The following VCAN variants were observed in gnomAD, a reference collection of about 807,000 sequenced individuals.
The protein encoded by VCAN is versican.
Under a neutral mutation model 245.5 loss-of-function variants are expected in VCAN, and 44 were observed. The observed-to-expected ratio is 0.18, with a 90% CI of 0.14 to 0.23. The LOEUF is 0.23. Among genes scored for constraint, VCAN ranks in the 10% least tolerant of loss-of-function variants. The pLI, the probability that VCAN is intolerant of heterozygous loss-of-function variation, is 1.00. For synonymous variants in VCAN, 1,413 were observed against 1,437.0 expected (o/e 0.98, Z 0.38); for missense variants, 3,793 against 4,057.9 (o/e 0.93, Z 1.77).
At chr5:83,484,539 CCATCCATCCATCCATT>C (rs1445470031) in intron 2 of VCAN, among the ~76,000 whole-genome samples, 1 of 151,888 alleles carries the variant, frequency 6.6e-6, no homozygotes, top group East Asian at 1.9e-4. Flanking sequence ...ATCCATCCAT[CCATCCATCCATCCATT>C]CATCCATCCA....
rs374067970 is a variant in VCAN, at chr5:83,540,457, T to C, written c.7454T>C (p.Val2485Ala). The change falls in exon 8 of 15, where the codon GTT (valine) becomes GCT (alanine). Residue 2485 changes from valine to alanine, a missense_variant. Physicochemically the swap from Val to Ala is moderately conservative, Grantham distance 64. Coordinates refer to ENST00000265077, the MANE Select transcript of VCAN (RefSeq NM_004385.5). ...KAVTADGFPT[V>A]SVMLPLHSEQ... Reference sequence around the variant, plus strand: ...GTTACTGCTGATGGATTCCCAACAGTTTCAGTGATGCTGCCTCTTCATTCA... The same window carrying C: ...GTTACTGCTGATGGATTCCCAACAGCTTCAGTGATGCTGCCTCTTCATTCA... The C allele has an allele frequency of 2.5e-6, 4 of 1,613,838 alleles. No homozygotes were observed. The highest frequency in any genetic ancestry group is 3.4e-6 in the Non-Finnish European group (4 of 1,179,948).
chr5:83,574,785 G>C (rs79847134), intron 13 of VCAN, among the ~76,000 whole-genome samples: 1 of 152,094 alleles, frequency 6.6e-6, no homozygotes, highest in African/African-American at 2.4e-5. Context: ...ATCTGTAGTT[G>C]AATATTTACA....
chr5:83,572,390 G>C (rs567949463), intron 12 of VCAN, 26 bp from the exon 13 acceptor site: 1 of 1,613,644 alleles, frequency 6.2e-7, no homozygotes, highest in Non-Finnish European at 8.5e-7. Context: ...CTAGCAAGTA[G>C]TTACCTTCTC....
chr5:83,563,591 G>A (rs534741813), intron 12 of VCAN, among the ~76,000 whole-genome samples: 16 of 152,232 alleles, frequency 1.1e-4, no homozygotes, highest in African/African-American at 3.1e-4. Flanking sequence ...TTTCAAACAG[G>A]TACCTGTCCT....
chr5:83,492,783 G>A (rs891405439), intron 3 of VCAN, among the ~76,000 whole-genome samples: 8 of 152,184 alleles, frequency 5.3e-5, no homozygotes, highest in African/African-American at 9.7e-5. Context: ...GAGACCCTAC[G>A]TTATGCTGGT....
Position 83,548,057 on chromosome 5 carries a change from A to G in VCAN, c.9466A>G (p.Ser3156Gly). The G allele has an allele frequency of 6.2e-7, 1 of 1,614,020 alleles. No individual in the cohort carries two copies. The highest frequency in any genetic ancestry group is 1.1e-5 in the South Asian group (1 of 91,082). The change falls in exon 10 of 15, where the codon AGT (serine) becomes GGT (glycine). Residue 3156 changes from serine to glycine, a missense_variant. Physicochemically the swap from Ser to Gly is moderately conservative, Grantham distance 56. Transcript: ENST00000265077. ...CACATTCAGGTGCCTCTGCCTTCCA[A>G]GTTATGTTGGTGCACTTTGTGAGCA... ...FNTFRCLCLP[S>G]YVGALCEQDT...
chr5:83,536,854 CTG>C (rs1314275955), intron 7 of VCAN, 151 bp from the exon 8 acceptor site: 4 of 595,514 alleles, frequency 6.7e-6, no homozygotes, highest in African/African-American at 1.9e-5. Context: ...AATTTGAAGA[CTG>C]AGAACCATAT....
At chr5:83,507,843 A>G (rs949200784) in intron 5 of VCAN, among the ~76,000 whole-genome samples, 13 of 152,246 alleles carry the variant, frequency 8.5e-5, no homozygotes, top group Non-Finnish European at 1.3e-4. Context: ...AAAATGGATC[A>G]ATAGAAACTT....
intron 7 of VCAN, among the ~76,000 whole-genome samples, chr5:83,524,512 C>A (rs1376114506): frequency 6.7e-6 from 1 of 149,704 alleles, no homozygotes; most frequent in Non-Finnish European, 1.5e-5. Context: ...ACCTACCTAC[C>A]TACCTTCCTA....
At position 83,541,586 on chromosome 5, in the gene VCAN, A is replaced by G; in HGVS notation, c.8583A>G (p.Pro2861=). 5.6e-6 allele frequency: 9 copies of G among 1,613,886 alleles called. No homozygotes were observed. Among genetic ancestry groups the G allele is most frequent in the Non-Finnish European group, 7.6e-6 (9 of 1,180,000 alleles). The change falls in exon 8 of 15, where the codon CCA becomes CCG. Residue 2861 remains proline, a synonymous_variant. Coordinates refer to ENST00000265077, the MANE Select transcript of VCAN (RefSeq NM_004385.5). ...GIDVGSSVMS[P]QDSFKEIHVN... ...ACGTCGGCTCATCTGTAATGTCCCC[A>G]CAGGATTCTTTTAAGGAAATTCATG...
chr5:83,546,177 G>A (rs1396105900), intron 9 of VCAN, among the ~76,000 whole-genome samples: 3 of 151,524 alleles, frequency 2.0e-5, no homozygotes, highest in African/African-American at 7.3e-5. Context: ...CCTCTCTTTT[G>A]GTTCCAAGGA....
chr5:83,515,370 G>A (rs1245055138), intron 6 of VCAN, among the ~76,000 whole-genome samples: 1 of 152,180 alleles, frequency 6.6e-6, no homozygotes, highest in East Asian at 1.9e-4. Context: ...CTCCAGGAGA[G>A]GGAGATGGAA....
rs1746879685 is a variant in VCAN, at chr5:83,539,556, C to T, written c.6553C>T (p.Pro2185Ser). 3 of 1,613,944 alleles carry T rather than the reference C, an allele frequency of 1.9e-6. No homozygotes were observed. Among genetic ancestry groups the T allele is most frequent in the African/African-American group, 2.7e-5 (2 of 74,922 alleles). Residue 2185 changes from proline to serine, a missense_variant, in exon 8 of 15, where the codon CCA becomes TCA. By Grantham distance (74) the Pro-to-Ser change is moderately conservative. Transcript: ENST00000265077. Reference sequence around the variant, plus strand: ...TTTAGTTAACATGTCTACTCCAGATCCAGATGCAAATGGCTTGGAATCTTA... The same window carrying T: ...TTTAGTTAACATGTCTACTCCAGATTCAGATGCAAATGGCTTGGAATCTTA... ...TSLVNMSTPD[P>S]DANGLESYTT...
Position 83,509,934 on chromosome 5 carries a change from T to C in VCAN, c.749-2169T>C, listed in dbSNP as rs183290811. ...TTATTTAATGTGCTGTTGGGAAGGA[T>C]AGGGGGAAAAAAGAGACCTAGCTTC... On this transcript the variant is annotated intron_variant, in intron 5 of 14. Transcript: ENST00000265077. Among the ~76,000 whole-genome samples, 4 of 152,282 alleles carry C rather than the reference T, an allele frequency of 2.6e-5. No homozygotes were observed. In the East Asian group the frequency reaches 5.8e-4, roughly 22 times the overall value.
At chr5:83,519,021 T>G (rs530187525) in intron 6 of VCAN, among the ~76,000 whole-genome samples, 10 of 152,340 alleles carry the variant, frequency 6.6e-5, no homozygotes, top group Non-Finnish European at 1.5e-4. Context: ...ATCTAAAATC[T>G]GCATTTATAT....
chr5:83,480,321 G>A (rs1744567747), intron 1 of VCAN, among the ~76,000 whole-genome samples: 2 of 152,132 alleles, frequency 1.3e-5, no homozygotes, highest in African/African-American at 2.4e-5. Context: ...GTGGCACAAA[G>A]AGTTCGATTT....
At chr5:83,550,174 T>C (rs48017) in intron 10 of VCAN, among the ~76,000 whole-genome samples, 70,354 of 151,970 alleles carry the variant, frequency 0.46, 16,514 homozygotes, top group Admixed American at 0.5. Flanking sequence ...TCTTAGGACT[T>C]GACAGCTATA....
At chr5:83,507,170 T>C (rs1192995602) in intron 5 of VCAN, among the ~76,000 whole-genome samples, 1 of 152,244 alleles carries the variant, frequency 6.6e-6, no homozygotes, top group Non-Finnish European at 1.5e-5. Context: ...ATTACAACTT[T>C]GATAATTGTC....
At chr5:83,492,243 A>C (rs777146083) in intron 3 of VCAN, among the ~76,000 whole-genome samples, 1 of 152,190 alleles carries the variant, frequency 6.6e-6, no homozygotes, top group African/African-American at 2.4e-5. Flanking sequence ...GGATGAACAC[A>C]TGGGAGACAG....
Sources: allele counts gnomAD v4.1 joint callset (sites outside exome capture counted in the v4.1 genomes callset), GRCh38; gene constraint gnomAD v4.1.1; transcripts MANE v1.5; gene names NCBI Gene and HGNC (gene_info 2026-07-23, HGNC 2026-07-21).